Variants in FGF13 observed in about 807,000 individuals in gnomAD.
The protein encoded by FGF13 is fibroblast growth factor homologous factor 2.
A neutral mutation model predicts 19.5 loss-of-function variants in FGF13; 2 were observed. The observed-to-expected ratio is 0.10, with a 90% CI of 0.04 to 0.32. The LOEUF is 0.32. Among genes scored for constraint, FGF13 ranks in the 10% least tolerant of loss-of-function variants. The pLI, the probability that FGF13 is intolerant of heterozygous loss-of-function variation, is 1.00. For synonymous variants in FGF13, 72 were observed against 76.9 expected (o/e 0.94, Z 0.33); for missense variants, 113 against 192.7 (o/e 0.59, Z 2.45).
intron 1 of FGF13, among the ~76,000 whole-genome samples, chrX:139,054,034 T>C (rs1316345617): frequency 9.0e-6 from 1 of 110,573 alleles, no homozygotes; most frequent in Non-Finnish European, 1.9e-5. Flanking sequence ...CCTTATGTTT[T>C]TGTTTGCTTT....
At chrX:139,203,918 C>G (rs989043654), upstream of FGF13, 15 of 584,304 alleles carry the variant, frequency 2.6e-5, no homozygotes, top group African/African-American at 1.8e-4. Flanking sequence ...CTCTGCCCCC[C>G]CTTTTCTCCC....
At chrX:138,843,455 G>A (rs1316963928) in intron 3 of FGF13, among the ~76,000 whole-genome samples, 1 of 112,085 alleles carries the variant, frequency 8.9e-6, no homozygotes, top group Non-Finnish European at 1.9e-5. Flanking sequence ...TATTGGATAT[G>A]CTAAGGAAAA....
chrX:138,768,354 C>T (rs955687409), intron 3 of FGF13, among the ~76,000 whole-genome samples: 2 of 111,167 alleles, frequency 1.8e-5, no homozygotes, highest in African/African-American at 3.3e-5. Flanking sequence ...AGCTAGACCA[C>T]GGTTTCAGTT....
At chrX:139,076,934 A>C (rs915872421) in intron 1 of FGF13, among the ~76,000 whole-genome samples, 9 of 112,320 alleles carry the variant, frequency 8.0e-5, no homozygotes, top group Non-Finnish European at 1.7e-4. Flanking sequence ...ACTACGGTCC[A>C]GGGAGAAACC....
intron 1 of FGF13, among the ~76,000 whole-genome samples, chrX:138,874,220 A>C (rs1050983866): frequency 9.3e-6 from 1 of 107,479 alleles, no homozygotes; most frequent in Non-Finnish European, 1.9e-5. Flanking sequence ...TTCTCATACT[A>C]AGGACAGCTC....
chrX:138,857,364 A>G (rs966536013), downstream of FGF13: 3 of 485,265 alleles, frequency 6.2e-6, no homozygotes, highest in Non-Finnish European at 3.4e-6. Flanking sequence ...ACTGTATAAC[A>G]CTTTCACCAG....
At chrX:138,708,540 A>C (rs1188311508) in intron 2 of FGF13, among the ~76,000 whole-genome samples, 1 of 112,114 alleles carries the variant, frequency 8.9e-6, no homozygotes, top group South Asian at 3.7e-4. Flanking sequence ...GAAAAAAGTA[A>C]TAAAATCCAA....
At chrX:138,786,005 A>G (rs1330622279) in intron 3 of FGF13, among the ~76,000 whole-genome samples, 2 of 112,075 alleles carry the variant, frequency 1.8e-5, no homozygotes, top group African/African-American at 6.5e-5. Context: ...GCTTTCAAAT[A>G]TACATACCAA....
chrX:139,115,732 T>G (rs2124468058), intron 1 of FGF13, among the ~76,000 whole-genome samples: 1 of 112,913 alleles, frequency 8.9e-6, no homozygotes, highest in South Asian at 3.6e-4. Flanking sequence ...ATTTTCTTCA[T>G]ACATTTCTCA....
rs144653648 is a variant in FGF13 at position 138,684,545 on chromosome X, A to G, written c.402+18439T>C. On this transcript the variant is annotated intron_variant, in intron 3 of 4. Coordinates refer to ENST00000315930, the MANE Select transcript of FGF13 (RefSeq NM_004114.5). The stretch of plus-strand genomic sequence containing the variant: ...TGAATTTGGTATGGTGGGAAATATA[A>G]AAGATGGGGAAGGCACCATTCTTAT... Among the ~76,000 whole-genome samples the G allele has an allele frequency of 9.8e-3, 1,092 of 111,610 alleles. 71 individuals are homozygous for G. The East Asian group carries it at 0.23, about 24-fold the overall frequency.
chrX:139,053,012 C>T (rs1200851878), intron 1 of FGF13, among the ~76,000 whole-genome samples: 1 of 106,071 alleles, frequency 9.4e-6, no homozygotes, highest in East Asian at 3.0e-4. Flanking sequence ...CCCCTCCCAC[C>T]CTTCCCCCCA....
intron 1 of FGF13, among the ~76,000 whole-genome samples, chrX:139,203,154 C>A: frequency 8.9e-6 from 1 of 112,029 alleles, no homozygotes; most frequent in Non-Finnish European, 1.9e-5. Context: ...CCAGCCTGAG[C>A]ACCGCTTTGC....
chrX:139,044,346 A>T (rs767984313), intron 1 of FGF13, among the ~76,000 whole-genome samples: 1 of 111,324 alleles, frequency 9.0e-6, no homozygotes, highest in Non-Finnish European at 1.9e-5. Context: ...ATCACATGGC[A>T]AAAGCAGGAG....
intron 1 of FGF13, among the ~76,000 whole-genome samples, chrX:139,169,960 G>C (rs891515167): frequency 8.1e-5 from 9 of 111,112 alleles, no homozygotes; most frequent in African/African-American, 2.6e-4. Context: ...AACTACAAAG[G>C]GTTCAAAGAG....
chrX:138,773,871 T>G (rs2090566836), intron 3 of FGF13, among the ~76,000 whole-genome samples: 1 of 112,054 alleles, frequency 8.9e-6, no homozygotes, highest in South Asian at 3.8e-4. Flanking sequence ...TGTCCAGCTA[T>G]TTCAGCTGAT....
chrX:139,117,912 C>G (rs2083650579), intron 1 of FGF13, among the ~76,000 whole-genome samples: 1 of 111,569 alleles, frequency 9.0e-6, no homozygotes, highest in Non-Finnish European at 1.9e-5. Context: ...CTCCTTGGTA[C>G]AAGGCACTAA....
At chrX:138,753,176 T>C (rs893910284) in intron 3 of FGF13, among the ~76,000 whole-genome samples, 1 of 112,098 alleles carries the variant, frequency 8.9e-6, no homozygotes, top group African/African-American at 3.2e-5. Flanking sequence ...CAAGCAGTGA[T>C]TCAAGTTGTA....
At chrX:139,127,036 G>C (rs1474521572) in intron 1 of FGF13, among the ~76,000 whole-genome samples, 1 of 111,323 alleles carries the variant, frequency 9.0e-6, no homozygotes, top group East Asian at 2.8e-4. Context: ...CTTTTCACTT[G>C]ATCATTTTCT....
intron 3 of FGF13, among the ~76,000 whole-genome samples, chrX:138,637,910 C>A (rs189424690): frequency 9.0e-6 from 1 of 111,620 alleles, no homozygotes; most frequent in Non-Finnish European, 1.9e-5. Context: ...AAGCACAGGG[C>A]CACACTTCCT....
Sources: gnomAD v4.1 joint callset for allele counts (sites outside exome capture counted in the v4.1 genomes callset) on GRCh38, gnomAD v4.1.1 for gene constraint, MANE v1.5 for transcripts, NCBI Gene and HGNC (gene_info 2026-07-23, HGNC 2026-07-21) for gene names.